The following CORO2A variants were observed in gnomAD, a reference collection of about 807,000 sequenced individuals.
The protein encoded by CORO2A is coronin 2A.
A neutral mutation model predicts 62.4 loss-of-function variants in CORO2A; 47 were observed. That is an observed-to-expected ratio of 0.75 (90% CI 0.60 to 0.96). The LOEUF is 0.96. Among genes scored for constraint, CORO2A ranks in the 40% least tolerant of loss-of-function variants. The pLI is 0.00. For synonymous variants in CORO2A, 273 were observed against 268.9 expected (o/e 1.02, Z -0.15); for missense variants, 610 against 684.1 (o/e 0.89, Z 1.21).
intron 6 of CORO2A, 56 bp downstream of exon 6, chr9:98,132,129 A>T: frequency 7.8e-7 from 1 of 1,284,714 alleles, no homozygotes. Context: ...TGCATGAATG[A>T]ATGACACTGG....
At chr9:98,128,546 G>A (rs1827360390) in intron 9 of CORO2A, 61 bp downstream of exon 9, 1 of 1,457,556 alleles carries the variant, frequency 6.9e-7, no homozygotes, top group East Asian at 2.3e-5. Context: ...GACAGCCCTG[G>A]GTCTGTCTTC....
chr9:98,178,624 T>G (rs1828139606), intron 1 of CORO2A, among the ~76,000 whole-genome samples: 1 of 152,156 alleles, frequency 6.6e-6, no homozygotes, highest in Non-Finnish European at 1.5e-5. Flanking sequence ...CCCTTCTCTC[T>G]GGAGACTCCT....
chr9:98,156,585 T>C lies in CORO2A; in HGVS notation c.201+875A>G, dbSNP rs534834646. ...GAATGGGAATTTAAGATTTATCTTT[T>C]GTTATTGATTTCTAACTCAATTGCA... On this transcript the variant is annotated intron_variant, in intron 2 of 11. Transcript: ENST00000375077. Among the ~76,000 whole-genome samples, 31 of 152,362 alleles carry C rather than the reference T, an allele frequency of 2.0e-4. 1 individual carries two copies. In the South Asian group the frequency reaches 5.8e-3, roughly 28 times the overall value.
At chr9:98,162,695 G>A (rs1260548298) in intron 1 of CORO2A, among the ~76,000 whole-genome samples, 3 of 152,192 alleles carry the variant, frequency 2.0e-5, no homozygotes, top group Non-Finnish European at 2.9e-5. Flanking sequence ...GTTCATGAGC[G>A]CCTGTGTCGT....
intron 1 of CORO2A, among the ~76,000 whole-genome samples, chr9:98,161,956 C>T (rs7030682): frequency 0.021 from 3,264 of 152,250 alleles, 100 homozygotes; most frequent in African/African-American, 0.074. Context: ...GTGAGGAGGC[C>T]GTGAGAGGCC....
Position 98,172,884 on chromosome 9 carries a change from G to A in CORO2A, c.1-15224C>T, listed in dbSNP as rs540600031. The A allele has an allele frequency of 5.9e-5, 9 of 152,384 alleles. No individual in the cohort carries two copies. The East Asian group carries it at 1.7e-3, about 29-fold the overall frequency. The allele number at this position is 152,384 out of a possible 1,614,324, so 9.4% of individuals were successfully genotyped here. ...AAAAGAGTCCAGCAAAGATGTCAGTGCCCCTGTGGGAAAGGCACTTCTGCC... is the reference window on the plus strand; with the variant it reads ...AAAAGAGTCCAGCAAAGATGTCAGTACCCCTGTGGGAAAGGCACTTCTGCC... On this transcript the variant is annotated intron_variant, in intron 1 of 11. Coordinates refer to ENST00000375077, the MANE Select transcript of CORO2A (RefSeq NM_052820.4).
chr9:98,126,141 T>C (rs1827315002), intron 11 of CORO2A, among the ~76,000 whole-genome samples: 1 of 151,772 alleles, frequency 6.6e-6, no homozygotes, highest in Admixed American at 6.6e-5. Flanking sequence ...TTTCAAGCCA[T>C]TCTCCTGCCT....
chr9:98,180,051 A>C (rs1167141689), intron 1 of CORO2A, among the ~76,000 whole-genome samples: 1 of 152,182 alleles, frequency 6.6e-6, no homozygotes, highest in Admixed American at 6.5e-5. Flanking sequence ...ACTGCCTCAA[A>C]GTCTGACATT....
chr9:98,177,363 C>T (rs1264489080), intron 1 of CORO2A, among the ~76,000 whole-genome samples: 1 of 151,726 alleles, frequency 6.6e-6, no homozygotes, highest in East Asian at 1.9e-4. Context: ...GAAATCCCTA[C>T]TGGAGCAACG....
intron 1 of CORO2A, among the ~76,000 whole-genome samples, chr9:98,166,643 C>T (rs539721750): frequency 1.3e-5 from 2 of 152,232 alleles, no homozygotes; most frequent in South Asian, 2.1e-4. Context: ...AACGATCATA[C>T]GATTCAGCAA....
intron 1 of CORO2A, among the ~76,000 whole-genome samples, chr9:98,179,031 AC>A (rs1394276645): frequency 6.6e-6 from 1 of 152,160 alleles, no homozygotes; most frequent in Admixed American, 6.5e-5. Context: ...CTAGCTCTTT[AC>A]CGGTCCTTTT....
intron 11 of CORO2A, among the ~76,000 whole-genome samples, chr9:98,126,296 A>G (rs1455648805): frequency 1.3e-5 from 2 of 151,936 alleles, no homozygotes; most frequent in African/African-American, 2.4e-5. Flanking sequence ...GGCCTCCCAA[A>G]GTGCTGGGAT....
chr9:98,155,823 G>A (rs1827796225), intron 2 of CORO2A, among the ~76,000 whole-genome samples: 1 of 152,020 alleles, frequency 6.6e-6, no homozygotes, highest in Non-Finnish European at 1.5e-5. Flanking sequence ...AGATTTCAAA[G>A]CTCTGCTGTG....
Position 98,134,847 on chromosome 9 carries a change from T to C in CORO2A, c.427A>G (p.Thr143Ala). 1 of 1,613,888 alleles carries C rather than the reference T, an allele frequency of 6.2e-7. No homozygotes were observed. Among genetic ancestry groups the C allele is most frequent in the East Asian group, 2.2e-5 (1 of 44,866 alleles). ...GCACTGAAGAGGATGTTGGCGGCCG[T>C]GGGGTGCCACTCCACCAGGCCTACT... ...RRVGLVEWHP[T>A]AANILFSAGY... The change falls in exon 4 of 12, where the codon ACG (threonine) becomes GCG (alanine). Residue 143 changes from threonine to alanine, a missense_variant. Coordinates refer to ENST00000375077, the MANE Select transcript of CORO2A (RefSeq NM_052820.4).
chr9:98,168,584 C>T (rs1827992349), intron 1 of CORO2A, among the ~76,000 whole-genome samples: 1 of 152,202 alleles, frequency 6.6e-6, no homozygotes. Context: ...CACTCTCTCG[C>T]AGGGGTTCCT....
intron 1 of CORO2A, among the ~76,000 whole-genome samples, chr9:98,190,505 C>T (rs555413185): frequency 7.0e-4 from 106 of 152,228 alleles, no homozygotes; most frequent in Non-Finnish European, 1.2e-3. Context: ...TCCCTGGGCT[C>T]GGTTGCTGGT....
At position 98,179,840 on chromosome 9, in the gene CORO2A, T is replaced by TA. The variant is rs1828154264; in HGVS notation, c.-1+12718dup. ...CAACATGGTGAAACCCCGTCTCTAC[T>TA]AAAAATACAAAAATTAGCCAGGTGC... On this transcript the variant is annotated intron_variant, in intron 1 of 11. Coordinates refer to ENST00000375077, the MANE Select transcript of CORO2A (RefSeq NM_052820.4). Among the ~76,000 whole-genome samples, 3 of 151,918 alleles carry TA rather than the reference T, an allele frequency of 2.0e-5. No individual in the cohort carries two copies. In the South Asian group the frequency reaches 6.2e-4, roughly 32 times the overall value.
At chr9:98,166,533 G>C (rs10985270) in intron 1 of CORO2A, among the ~76,000 whole-genome samples, 20,735 of 152,126 alleles carry the variant, frequency 0.14, 2,865 homozygotes, top group African/African-American at 0.36. Flanking sequence ...CAAACAATTT[G>C]ATTTGAAACA....
rs1239723177 is a variant in CORO2A at position 98,124,727 on chromosome 9, T to C, written c.*47A>G. The C allele has an allele frequency of 6.5e-7, 1 of 1,535,068 alleles. No individual in the cohort carries two copies. Among genetic ancestry groups the C allele is most frequent in the Admixed American group, 2.0e-5 (1 of 50,646 alleles). Reference sequence around the variant, plus strand: ...TGTGGTTTGGTTCTAAACCTCCCCATGGAGCCGAGTGGTGTCCCTGAGGGT... The same window carrying C: ...TGTGGTTTGGTTCTAAACCTCCCCACGGAGCCGAGTGGTGTCCCTGAGGGT... On this transcript the variant is annotated 3_prime_UTR_variant, in exon 12 of 12. Coordinates refer to ENST00000375077, the MANE Select transcript of CORO2A (RefSeq NM_052820.4).
Sources: gnomAD v4.1 joint callset for allele counts (sites outside exome capture counted in the v4.1 genomes callset) on GRCh38, gnomAD v4.1.1 for gene constraint, MANE v1.5 for transcripts, NCBI Gene and HGNC (gene_info 2026-07-23, HGNC 2026-07-21) for gene names.